DSCAML1: variants seen among roughly 807,000 people sequenced by gnomAD.
The protein encoded by DSCAML1 is DS cell adhesion molecule like 1.
Under a neutral mutation model 200.5 loss-of-function variants are expected in DSCAML1, and 38 were observed. That is an observed-to-expected ratio of 0.19 (90% CI 0.15 to 0.25). The LOEUF is 0.25. Among genes scored for constraint, DSCAML1 ranks in the 10% least tolerant of loss-of-function variants. DSCAML1 has a pLI of 1.00. For missense variants in DSCAML1, 2,223 were observed against 2,858.8 expected, an observed-to-expected ratio of 0.78 and a Z score of 5.07; for synonymous variants, 1,215 against 1,165.0, an observed-to-expected ratio of 1.04 and a Z score of -0.87.
chr11:117,621,724 TG>T (rs1261738010), intron 3 of DSCAML1, among the ~76,000 whole-genome samples: 1 of 152,206 alleles, frequency 6.6e-6, no homozygotes, highest in African/African-American at 2.4e-5. Flanking sequence ...TTATGCAAGT[TG>T]TACAACATCA....
chr11:117,578,541 G>A (rs1299417786), intron 3 of DSCAML1, among the ~76,000 whole-genome samples: 1 of 151,006 alleles, frequency 6.6e-6, no homozygotes, highest in Non-Finnish European at 1.5e-5. Flanking sequence ...TCAGTGGTAT[G>A]TCCCTGTAGT....
chr11:117,609,050 T>C (rs1455306026), intron 3 of DSCAML1, among the ~76,000 whole-genome samples: 4 of 147,900 alleles, frequency 2.7e-5, no homozygotes, highest in Non-Finnish European at 6.0e-5. Context: ...AAAACAAAAA[T>C]TGTCTGGGCA....
chr11:117,547,047 G>A (rs1383816910), intron 3 of DSCAML1, among the ~76,000 whole-genome samples: 1 of 152,192 alleles, frequency 6.6e-6, no homozygotes, highest in Non-Finnish European at 1.5e-5. Flanking sequence ...ATGAAAAAAA[G>A]AGAGGCGAGG....
chr11:117,697,841 G>A (rs1243362253), intron 3 of DSCAML1, among the ~76,000 whole-genome samples: 2 of 150,354 alleles, frequency 1.3e-5, no homozygotes, highest in Admixed American at 6.6e-5. Flanking sequence ...GCGTGATCTT[G>A]GCTCACTGCA....
chr11:117,784,638 C>T (rs954197905), intron 1 of DSCAML1, among the ~76,000 whole-genome samples: 18 of 152,270 alleles, frequency 1.2e-4, no homozygotes, highest in South Asian at 2.1e-4. Flanking sequence ...ATCTTCAGAG[C>T]GGTGACAAAG....
chr11:117,643,236 T>C (rs1237655225), intron 3 of DSCAML1, among the ~76,000 whole-genome samples: 1 of 152,174 alleles, frequency 6.6e-6, no homozygotes, highest in Non-Finnish European at 1.5e-5. Context: ...GCAGAAAATA[T>C]AAATAGCTTC....
chr11:117,519,189 AG>A (rs1477376213), intron 6 of DSCAML1, among the ~76,000 whole-genome samples: 52 of 152,204 alleles, frequency 3.4e-4, no homozygotes, highest in Non-Finnish European at 1.2e-4. Context: ...CTATTAATAA[AG>A]ACACAAGCTC....
At chr11:117,478,052 G>T (rs556419592) in intron 14 of DSCAML1, among the ~76,000 whole-genome samples, 1 of 152,362 alleles carries the variant, frequency 6.6e-6, no homozygotes, top group African/African-American at 2.4e-5. Flanking sequence ...TCCTCATTCT[G>T]CAGGGAGCCA....
At chr11:117,804,350 A>G (rs1321593260) in intron 1 of DSCAML1, among the ~76,000 whole-genome samples, 1 of 152,182 alleles carries the variant, frequency 6.6e-6, no homozygotes, top group Non-Finnish European at 1.5e-5. Flanking sequence ...AGTCTCTCAA[A>G]TGCTGCCAGG....
intron 3 of DSCAML1, among the ~76,000 whole-genome samples, chr11:117,554,456 C>G (rs1423805611): frequency 1.3e-5 from 2 of 152,172 alleles, no homozygotes; most frequent in Non-Finnish European, 2.9e-5. Context: ...TCTCGGCTCA[C>G]TGAAACCTCC....
intron 3 of DSCAML1, among the ~76,000 whole-genome samples, chr11:117,559,712 G>C (rs973216155): frequency 6.6e-6 from 1 of 152,098 alleles, no homozygotes. Flanking sequence ...ATGAAGAGGC[G>C]CTCTTCAGAC....
intron 3 of DSCAML1, among the ~76,000 whole-genome samples, chr11:117,677,785 T>C (rs144024802): frequency 2.7e-4 from 41 of 152,306 alleles, no homozygotes; most frequent in African/African-American, 9.6e-4. Context: ...CTAAGGTAAC[T>C]GAGGCACAGA....
Position 117,461,603 on chromosome 11 carries a change from G to C in DSCAML1, c.3266-7C>G. The C allele has an allele frequency of 1.2e-6, 2 of 1,609,698 alleles. No homozygotes were observed. Among genetic ancestry groups the C allele is most frequent in the South Asian group, 1.1e-5 (1 of 91,056 alleles). On this transcript the variant is annotated splice_polypyrimidine_tract_variant and splice_region_variant and intron_variant, in intron 17 of 32. Coordinates refer to ENST00000651296, the MANE Select transcript of DSCAML1 (RefSeq NM_020693.4). ...TCAGGGGGCTGGCTGGGCACTGCAGGGGGTAGGGGGAGAACCAAGGGTCCA... is the reference window on the plus strand; with the variant it reads ...TCAGGGGGCTGGCTGGGCACTGCAGCGGGTAGGGGGAGAACCAAGGGTCCA...
At position 117,761,147 on chromosome 11, in the gene DSCAML1, C is replaced by T. The variant is rs11216540; in HGVS notation, c.511+15644G>A. On this transcript the variant is annotated intron_variant, in intron 3 of 32. Transcript: ENST00000651296. ...CCACCGAGGAGTACTCACATCTGAACACCCAGCCTCCAGAGGAGGTCTCAC... is the reference window on the plus strand; with the variant it reads ...CCACCGAGGAGTACTCACATCTGAATACCCAGCCTCCAGAGGAGGTCTCAC... 5.7e-3 allele frequency among the ~76,000 whole-genome samples: 875 copies of T among 152,330 alleles called. 6 individuals carry two copies. The highest frequency in any genetic ancestry group is 0.016 in the African/African-American group (664 of 41,572).
At chr11:117,568,908 C>G (rs1290878249) in intron 3 of DSCAML1, among the ~76,000 whole-genome samples, 2 of 152,194 alleles carry the variant, frequency 1.3e-5, no homozygotes, top group African/African-American at 4.8e-5. Flanking sequence ...GCCCGCATCA[C>G]CAAGTCAATC....
chr11:117,623,190 CTTTTT>C (rs915481874), intron 3 of DSCAML1, among the ~76,000 whole-genome samples: 5 of 146,806 alleles, frequency 3.4e-5, no homozygotes, highest in Non-Finnish European at 7.5e-5. Context: ...ATGCTAAACT[CTTTTT>C]TTTCTTTTTT....
chr11:117,483,056 C>T (rs1279410541), intron 11 of DSCAML1, among the ~76,000 whole-genome samples: 1 of 152,228 alleles, frequency 6.6e-6, no homozygotes, highest in Non-Finnish European at 1.5e-5. Context: ...TCGGAAGCCC[C>T]CGTCCCTACT....
rs141421493 is a variant in DSCAML1, at chr11:117,447,064, C to A, written c.3709-3025G>T. 7.5e-3 allele frequency among the ~76,000 whole-genome samples: 1,136 copies of A among 152,130 alleles called. 10 individuals are homozygous for A. Among genetic ancestry groups the A allele is most frequent in the African/African-American group, 0.026 (1,098 of 41,496 alleles). On this transcript the variant is annotated intron_variant, in intron 20 of 32. Coordinates refer to ENST00000651296, the MANE Select transcript of DSCAML1 (RefSeq NM_020693.4). ...CAGCACTTTGGGAGGCTGAGGAGGG[C>A]GGATCACTGAGGTCAGGAGTTCGAG...
chr11:117,441,478 C>A (rs1358013642), intron 21 of DSCAML1, among the ~76,000 whole-genome samples: 1 of 152,048 alleles, frequency 6.6e-6, no homozygotes, highest in African/African-American at 2.4e-5. Flanking sequence ...ACGGGAGTGT[C>A]CCAAGGGTGG....
Sources: allele counts gnomAD v4.1 joint callset (sites outside exome capture counted in the v4.1 genomes callset), GRCh38; gene constraint gnomAD v4.1.1; transcripts MANE v1.5; gene names NCBI Gene and HGNC (gene_info 2026-07-23, HGNC 2026-07-21).